Variants in WWOX observed in about 807,000 individuals in gnomAD.
WWOX encodes WW domain containing oxidoreductase, also known as WW domain-containing oxidoreductase.
A neutral mutation model predicts 46.2 loss-of-function variants in WWOX; 69 were observed. The ratio of observed to expected loss-of-function variants is 1.49; its 90% CI spans 1.23 to 1.82. The LOEUF (loss-of-function observed/expected upper bound fraction) is 1.82, where lower values mean the gene tolerates loss of function less well. Ranked by LOEUF, WWOX falls within the 40% of genes most tolerant of loss-of-function variation. WWOX has a pLI of 0.00. For synonymous variants in WWOX, 359 were observed against 202.6 expected, an observed-to-expected ratio of 1.77 and a Z score of -6.56; for missense variants, 919 against 542.6, an observed-to-expected ratio of 1.69 and a Z score of -6.89.
chr16:78,876,158 A>G (rs2044229740), intron 8 of WWOX, among the ~76,000 whole-genome samples: 1 of 151,946 alleles, frequency 6.6e-6, no homozygotes, highest in Admixed American at 6.6e-5. Flanking sequence ...TCCTTTTATA[A>G]ATTTTGCTTT....
intron 8 of WWOX, among the ~76,000 whole-genome samples, chr16:78,599,872 A>C (rs571155610): frequency 2.0e-5 from 3 of 152,060 alleles, no homozygotes; most frequent in Non-Finnish European, 4.4e-5. Context: ...TCTAAATGAC[A>C]GTGGGTCAAC....
intron 8 of WWOX, among the ~76,000 whole-genome samples, chr16:78,641,518 A>G (rs1366497427): frequency 2.0e-5 from 3 of 152,146 alleles, no homozygotes; most frequent in African/African-American, 4.8e-5. Flanking sequence ...TGCAGACTCA[A>G]TCAAATGGGG....
chr16:78,328,199 C>G (rs957261819), intron 5 of WWOX, among the ~76,000 whole-genome samples: 3 of 151,610 alleles, frequency 2.0e-5, no homozygotes, highest in African/African-American at 7.3e-5. Context: ...TTTCACAGTC[C>G]CTTACCTGTA....
chr16:79,020,408 C>A (rs76109049), intron 8 of WWOX, among the ~76,000 whole-genome samples: 18 of 152,156 alleles, frequency 1.2e-4, no homozygotes, highest in Non-Finnish European at 2.2e-4. Flanking sequence ...TCACCATGAG[C>A]GATAACTTAA....
At chr16:78,220,179 G>T (rs4888764) in intron 5 of WWOX, among the ~76,000 whole-genome samples, 40,466 of 152,016 alleles carry the variant, frequency 0.27, 5,694 homozygotes, top group Middle Eastern at 0.32. Context: ...GGGATTTTGT[G>T]TGATAGTTTC....
chr16:79,156,711 CA>C (rs2050388612), intron 8 of WWOX, among the ~76,000 whole-genome samples: 1 of 151,180 alleles, frequency 6.6e-6, no homozygotes, highest in Non-Finnish European at 1.5e-5. Context: ...CACAGGATTT[CA>C]AATTTAAGAG....
chr16:78,908,983 A>C (rs117666808), intron 8 of WWOX, among the ~76,000 whole-genome samples: 1 of 152,214 alleles, frequency 6.6e-6, no homozygotes, highest in Admixed American at 6.5e-5. Flanking sequence ...CTGCAAAGGC[A>C]GTCTAGTCCC....
At chr16:78,330,976 C>G (rs1345627445) in intron 5 of WWOX, among the ~76,000 whole-genome samples, 3 of 152,166 alleles carry the variant, frequency 2.0e-5, no homozygotes, top group African/African-American at 7.2e-5. Context: ...CTGGAGCAGT[C>G]TATTTATTCA....
chr16:79,123,236 CCTGA>C (rs773743900), intron 8 of WWOX, among the ~76,000 whole-genome samples: 75 of 152,216 alleles, frequency 4.9e-4, no homozygotes, highest in South Asian at 3.7e-3. Flanking sequence ...ATGGCAATTG[CCTGA>C]CTCTGTCCTC....
chr16:78,691,487 G>C (rs74913948), intron 8 of WWOX, among the ~76,000 whole-genome samples: 2,134 of 152,164 alleles, frequency 0.014, 45 homozygotes, highest in African/African-American at 0.049. Context: ...TGGGAGGATG[G>C]TTAGAGCCTA....
intron 8 of WWOX, among the ~76,000 whole-genome samples, chr16:79,020,658 G>C (rs576944755): frequency 9.2e-5 from 14 of 152,278 alleles, no homozygotes; most frequent in African/African-American, 3.1e-4. Flanking sequence ...AGGCCAATGT[G>C]ATAATAAAAT....
chr16:78,896,580 C>G (rs898400318), intron 8 of WWOX: 3 of 152,146 alleles, frequency 2.0e-5, no homozygotes, highest in African/African-American at 7.2e-5. Context: ...ACATATGACA[C>G]TGAAGCCTAC....
chr16:79,191,069 G>A (rs559562678), intron 8 of WWOX, among the ~76,000 whole-genome samples: 22 of 152,080 alleles, frequency 1.4e-4, no homozygotes, highest in African/African-American at 3.6e-4. Flanking sequence ...TTTAAGAGAC[G>A]GGGTCTCGCT....
intron 8 of WWOX, among the ~76,000 whole-genome samples, chr16:78,442,973 A>T (rs1425032045): frequency 1.3e-5 from 2 of 151,812 alleles, no homozygotes; most frequent in Admixed American, 6.6e-5. Context: ...ATACAAAAAA[A>T]TTAGCCAGGC....
intron 4 of WWOX, among the ~76,000 whole-genome samples, chr16:78,132,908 T>A (rs565411147): frequency 1.3e-5 from 2 of 152,328 alleles, no homozygotes; most frequent in East Asian, 3.9e-4. Flanking sequence ...GGGTGGCAGC[T>A]GCAAAGCACA....
chr16:79,104,005 G>A (rs986920065), intron 8 of WWOX, among the ~76,000 whole-genome samples: 4 of 133,580 alleles, frequency 3.0e-5, no homozygotes, highest in Admixed American at 1.6e-4. Flanking sequence ...CCTGAGCAAA[G>A]GTAGGCACAG....
chr16:78,940,344 A>C (rs2045827028), intron 8 of WWOX, among the ~76,000 whole-genome samples: 1 of 152,230 alleles, frequency 6.6e-6, no homozygotes, highest in East Asian at 1.9e-4. Flanking sequence ...GAAGAAAAAT[A>C]AATATGCAAA....
chr16:78,873,783 C>A (rs1453665191), intron 8 of WWOX, among the ~76,000 whole-genome samples: 2 of 152,016 alleles, frequency 1.3e-5, no homozygotes, highest in African/African-American at 4.8e-5. Context: ...AGAGACCCTG[C>A]CTCAAAAAGT....
chr16:78,284,857 C>T (rs1206871199), intron 5 of WWOX, among the ~76,000 whole-genome samples: 1 of 152,188 alleles, frequency 6.6e-6, no homozygotes, highest in African/African-American at 2.4e-5. Flanking sequence ...GATATTTGAT[C>T]TTTCAAACTT....
Sources: gnomAD v4.1 joint callset for allele counts (sites outside exome capture counted in the v4.1 genomes callset) on GRCh38, gnomAD v4.1.1 for gene constraint, MANE v1.5 for transcripts, NCBI Gene and HGNC (gene_info 2026-07-23, HGNC 2026-07-21) for gene names.